Variants in CREB5 observed in about 807,000 individuals in gnomAD.
The protein encoded by CREB5 is cAMP responsive element binding protein 5.
CREB5 carries 19 observed loss-of-function variants against 57.1 expected under a neutral mutation model. That is an observed-to-expected ratio of 0.33 (90% CI 0.23 to 0.49). CREB5 has a LOEUF of 0.49. CREB5 is among the 20% of genes least tolerant of loss of function. The probability of loss-of-function intolerance (pLI) is 0.99; values close to 1 mark genes in which losing one functional copy is unlikely to be tolerated. For synonymous variants in CREB5, 238 were observed against 238.3 expected, an observed-to-expected ratio of 1.00 and a Z score of 0.01; for missense variants, 579 against 671.6, an observed-to-expected ratio of 0.86 and a Z score of 1.52.
Position 28,561,009 on chromosome 7 carries a change from TGTGTGTGCGTGTGTGC to T in CREB5, c.292-9348_292-9333del, listed in dbSNP as rs1213850474. On this transcript the variant is annotated intron_variant, in intron 4 of 10. Coordinates refer to ENST00000357727, the MANE Select transcript of CREB5 (RefSeq NM_182898.4). Reference sequence around the variant, plus strand: ...GCGTGTGTGTGCCTGCGTGTGCGTGTGTGTGTGCGTGTGTGCGTGTGTGTGTGTGTGTGTGAAGGTA... The same window carrying T: ...GCGTGTGTGTGCCTGCGTGTGCGTGTGTGTGTGTGTGTGTGTGTGAAGGTA... 8.1e-3 allele frequency among the ~76,000 whole-genome samples: 398 copies of T among 49,232 alleles called. 6 individuals are homozygous for T. The highest frequency in any genetic ancestry group is 0.027 in the East Asian group (34 of 1,274). 32.3% of individuals were successfully genotyped at this position (49,232 alleles called of 152,430 possible).
At chr7:28,720,031 GC>G (rs1389196086) in intron 6 of CREB5, among the ~76,000 whole-genome samples, 2 of 152,270 alleles carry the variant, frequency 1.3e-5, no homozygotes, top group East Asian at 3.8e-4. Context: ...CTGCACTCCA[GC>G]CTGGGTGACA....
intron 1 of CREB5, among the ~76,000 whole-genome samples, chr7:28,449,505 C>T (rs1488879227): frequency 6.6e-6 from 1 of 152,222 alleles, no homozygotes; most frequent in Non-Finnish European, 1.5e-5. Flanking sequence ...TTGCCCTCCT[C>T]TCTTCTACAT....
intron 1 of CREB5, among the ~76,000 whole-genome samples, chr7:28,321,119 G>A (rs1051611359): frequency 4.6e-5 from 7 of 152,184 alleles, no homozygotes; most frequent in African/African-American, 1.2e-4. Flanking sequence ...GATTAAACAC[G>A]CTAGAGCATG....
At chr7:28,784,455 G>A (rs1489886336) in intron 7 of CREB5, among the ~76,000 whole-genome samples, 1 of 151,902 alleles carries the variant, frequency 6.6e-6, no homozygotes, top group Non-Finnish European at 1.5e-5. Context: ...ACCCTTTCTC[G>A]GGGCTCCCTC....
intron 4 of CREB5, among the ~76,000 whole-genome samples, chr7:28,534,713 A>G (rs1388472261): frequency 4.9e-5 from 7 of 143,592 alleles, no homozygotes; most frequent in Admixed American, 2.1e-4. Flanking sequence ...TTCAGACACC[A>G]TCTGCATCAT....
chr7:28,476,417 T>C (rs898813459), intron 1 of CREB5, among the ~76,000 whole-genome samples: 4 of 152,202 alleles, frequency 2.6e-5, no homozygotes, highest in Admixed American at 2.6e-4. Flanking sequence ...GCAACCAACA[T>C]TTCACAGCAC....
chr7:28,532,860 T>G (rs1793787543), intron 4 of CREB5, among the ~76,000 whole-genome samples: 1 of 152,200 alleles, frequency 6.6e-6, no homozygotes, highest in Admixed American at 6.5e-5. Flanking sequence ...ATCTGTCAAA[T>G]GGGATAACAG....
chr7:28,481,429 G>A (rs538248420), intron 1 of CREB5, among the ~76,000 whole-genome samples: 1 of 152,106 alleles, frequency 6.6e-6, no homozygotes, highest in African/African-American at 2.4e-5. Flanking sequence ...GAGACTACTG[G>A]CTCTAAACTG....
At chr7:28,472,738 T>C (rs1025715802) in intron 1 of CREB5, among the ~76,000 whole-genome samples, 1 of 152,182 alleles carries the variant, frequency 6.6e-6, no homozygotes, top group Non-Finnish European at 1.5e-5. Flanking sequence ...CACTTGGGGA[T>C]GGAGGAACAG....
intron 4 of CREB5, among the ~76,000 whole-genome samples, chr7:28,561,178 A>T (rs1016999717): frequency 1.3e-5 from 2 of 152,130 alleles, no homozygotes; most frequent in Admixed American, 6.5e-5. Flanking sequence ...CACTCATTGT[A>T]CTGTTCTATA....
intron 2 of CREB5, among the ~76,000 whole-genome samples, chr7:28,489,650 C>G (rs1473852801): frequency 6.6e-6 from 1 of 152,078 alleles, no homozygotes; most frequent in East Asian, 1.9e-4. Flanking sequence ...ATTCTGGGAG[C>G]CTTTTGGAAG....
intron 5 of CREB5, among the ~76,000 whole-genome samples, chr7:28,711,818 T>C (rs560541109): frequency 3.3e-4 from 51 of 152,362 alleles, no homozygotes; most frequent in African/African-American, 1.2e-3. Context: ...TTGGACCTTT[T>C]ACATTTGTTG....
chr7:28,663,845 T>C (rs1330554878), intron 5 of CREB5, among the ~76,000 whole-genome samples: 1 of 152,236 alleles, frequency 6.6e-6, no homozygotes, highest in Non-Finnish European at 1.5e-5. Context: ...CCTTGACTTC[T>C]TTCATGTGCT....
chr7:28,799,945 CA>C (rs928076020), intron 7 of CREB5, among the ~76,000 whole-genome samples: 1 of 152,196 alleles, frequency 6.6e-6, no homozygotes, highest in Admixed American at 6.5e-5. Context: ...TCATAAGCCT[CA>C]GAAAGTTTAA....
rs887040238 is a variant in CREB5, at chr7:28,302,592, C to G, written c.-25+3151C>G. On this transcript the variant is annotated intron_variant, in intron 1 of 9. Coordinates refer to the CREB5 transcript ENST00000396299. ...AGCTGAAAGCCAAAAAGTTTTCATGCCTCTTCCAAAGTCCCAGAAAGGAGG... is the reference window on the plus strand; with the variant it reads ...AGCTGAAAGCCAAAAAGTTTTCATGGCTCTTCCAAAGTCCCAGAAAGGAGG... Among the ~76,000 whole-genome samples, 17 of 152,228 alleles carry G rather than the reference C, an allele frequency of 1.1e-4. No individual in the cohort carries two copies. The East Asian group carries it at 3.3e-3, about 29-fold the overall frequency.
At chr7:28,721,933 G>A (rs1016943761) in intron 6 of CREB5, among the ~76,000 whole-genome samples, 1 of 152,210 alleles carries the variant, frequency 6.6e-6, no homozygotes, top group Non-Finnish European at 1.5e-5. Context: ...TATTTTACCT[G>A]CAGTGCTAAA....
At chr7:28,685,434 C>G (rs1282726165) in intron 5 of CREB5, among the ~76,000 whole-genome samples, 3 of 152,118 alleles carry the variant, frequency 2.0e-5, no homozygotes, top group African/African-American at 7.2e-5. Context: ...TGCGAGAAGT[C>G]TCCGGAGGGC....
chr7:28,644,176 A>G (rs950522904), intron 5 of CREB5, among the ~76,000 whole-genome samples: 1 of 151,742 alleles, frequency 6.6e-6, no homozygotes, highest in Admixed American at 6.6e-5. Flanking sequence ...AGAGAAAGAA[A>G]GAAAAAGGGA....
In CREB5 at chr7:28,820,607, C is replaced by CT. The variant is rs972177206; in HGVS notation, c.*1337dup. 19 of 151,230 alleles carry CT rather than the reference C, an allele frequency of 1.3e-4. No individual in the cohort carries two copies. The highest frequency in any genetic ancestry group is 3.7e-4 in the African/African-American group (15 of 40,994). The allele number at this position is 151,230 out of a possible 1,614,324, so 9.4% of individuals were successfully genotyped here. The stretch of plus-strand genomic sequence containing the variant: ...TGGATGAGGTGCAGGCTACTTCACT[C>CT]TTTTTTTTTCTTTTTTGAGACAGAG... On this transcript the variant is annotated 3_prime_UTR_variant, in exon 11 of 11. Transcript: ENST00000357727.
Sources: gnomAD v4.1 joint callset for allele counts (sites outside exome capture counted in the v4.1 genomes callset) on GRCh38, gnomAD v4.1.1 for gene constraint, MANE v1.5 for transcripts, NCBI Gene and HGNC (gene_info 2026-07-23, HGNC 2026-07-21) for gene names.